Variants in PKNOX2 observed in about 807,000 individuals in gnomAD.
PKNOX2 encodes the protein PBX/knotted 1 homeobox 2.
PKNOX2 carries 14 observed loss-of-function variants against 53.1 expected under a neutral mutation model. The observed-to-expected ratio is 0.26, with a 90% CI of 0.17 to 0.41. The LOEUF (loss-of-function observed/expected upper bound fraction) is 0.41, where lower values mean the gene tolerates loss of function less well. Ranked by LOEUF, PKNOX2 falls within the 10% of genes least tolerant of loss-of-function variation. The pLI is 1.00. For synonymous variants in PKNOX2, 257 were observed against 242.8 expected, an observed-to-expected ratio of 1.06 and a Z score of -0.54; for missense variants, 496 against 602.8, an observed-to-expected ratio of 0.82 and a Z score of 1.85.
rs545428463 is a variant in PKNOX2, at chr11:125,410,799, G to T, written c.739G>T (p.Val247Phe). ...CTCAGGTGGAGCCTTATACCAACCG[G>T]TTACCATGGTAACCTCCCAGGGTCA... ...VVSGGALYQPVTMVTSQGQVV... is the reference protein window; with the variant it reads ...VVSGGALYQPFTMVTSQGQVV... Residue 247 changes from valine (V) to phenylalanine (F), a missense_variant, in exon 9 of 13, where the codon GTT becomes TTT. By Grantham distance (50) the Val-to-Phe change is conservative. This residue lies in a region of PKNOX2 where 141 missense variants were observed against 143.9 expected (regional missense o/e 0.98). Transcript: ENST00000298282. 6.2e-7 allele frequency: 1 copy of T among 1,614,000 alleles called. No homozygotes were observed. Among genetic ancestry groups the T allele is most frequent in the East Asian group, 2.2e-5 (1 of 44,854 alleles).
chr11:125,341,988 G>A (rs1353299716), intron 3 of PKNOX2, among the ~76,000 whole-genome samples: 3 of 152,202 alleles, frequency 2.0e-5, no homozygotes, highest in Non-Finnish European at 4.4e-5. Flanking sequence ...TCCTCTAGCC[G>A]ATCCCATTGC....
chr11:125,374,710 G>T (rs562768582), intron 5 of PKNOX2, among the ~76,000 whole-genome samples: 3 of 152,112 alleles, frequency 2.0e-5, no homozygotes, highest in Non-Finnish European at 2.9e-5. Flanking sequence ...CAGGGTCCCC[G>T]CCAAGACCAA....
chr11:125,280,765 C>T (rs1946505398), intron 2 of PKNOX2, among the ~76,000 whole-genome samples: 1 of 152,110 alleles, frequency 6.6e-6, no homozygotes, highest in Non-Finnish European at 1.5e-5. Context: ...ATTCACAGGG[C>T]CCTACACAGT....
chr11:125,258,863 T>C (rs539913260), intron 2 of PKNOX2: 1 of 393,388 alleles, frequency 2.5e-6, no homozygotes, highest in Non-Finnish European at 5.2e-6. Flanking sequence ...GCAGAGAACA[T>C]GTCTCTTGCC....
chr11:125,324,100 T>A (rs1949689759), intron 2 of PKNOX2, among the ~76,000 whole-genome samples: 1 of 151,988 alleles, frequency 6.6e-6, no homozygotes, highest in African/African-American at 2.4e-5. Context: ...ACTCACCAAA[T>A]GATGAGAAGA....
At chr11:125,208,382 C>T (rs187999559) in intron 1 of PKNOX2, among the ~76,000 whole-genome samples, 99 of 152,138 alleles carry the variant, frequency 6.5e-4, no homozygotes, top group Non-Finnish European at 8.1e-4. Flanking sequence ...AGGGAATTTG[C>T]ACTTTTCTAT....
At chr11:125,174,368 G>A (rs951399818) in intron 1 of PKNOX2, among the ~76,000 whole-genome samples, 1 of 152,176 alleles carries the variant, frequency 6.6e-6, no homozygotes, top group Non-Finnish European at 1.5e-5. Context: ...TTGATGAGGA[G>A]ACCAAACAAA....
At chr11:125,362,356 C>A (rs1951969874) in intron 4 of PKNOX2, among the ~76,000 whole-genome samples, 1 of 152,010 alleles carries the variant, frequency 6.6e-6, no homozygotes, top group African/African-American at 2.4e-5. Context: ...CATGAAGGCC[C>A]ACATGGTTTT....
At chr11:125,315,323 A>AC (rs909651644) in intron 2 of PKNOX2, among the ~76,000 whole-genome samples, 1 of 150,004 alleles carries the variant, frequency 6.7e-6, no homozygotes, top group African/African-American at 2.5e-5. Context: ...AAAAAAAAAA[A>AC]AAAAACACCT....
chr11:125,333,702 G>A (rs1950272052), intron 3 of PKNOX2, among the ~76,000 whole-genome samples: 1 of 152,154 alleles, frequency 6.6e-6, no homozygotes, highest in Admixed American at 6.5e-5. Flanking sequence ...GCTAATGCTG[G>A]AAGTGTGGCA....
chr11:125,265,070 C>T (rs887888602), intron 2 of PKNOX2, among the ~76,000 whole-genome samples: 7 of 152,124 alleles, frequency 4.6e-5, no homozygotes, highest in Non-Finnish European at 8.8e-5. Flanking sequence ...GGGCAGATCA[C>T]GAGGTCAGAA....
Position 125,247,966 on chromosome 11 carries a change from A to G in PKNOX2, c.-130+12851A>G, listed in dbSNP as rs141245728. ...TAAGAAGATCCTTCAGGGGAAAGCA[A>G]TTTCTTCCTCCCAGAGCCCCTGGCC... On this transcript the variant is annotated intron_variant, in intron 2 of 12. Transcript: ENST00000298282. 3.9e-5 allele frequency among the ~76,000 whole-genome samples: 6 copies of G among 151,960 alleles called. No individual in the cohort carries two copies. The East Asian group carries it at 1.2e-3, about 29-fold the overall frequency.
At chr11:125,289,125 G>A (rs1241343432) in intron 2 of PKNOX2, among the ~76,000 whole-genome samples, 1 of 152,110 alleles carries the variant, frequency 6.6e-6, no homozygotes, top group Admixed American at 6.5e-5. Flanking sequence ...AGGATGGGCA[G>A]TGGCAGGAAA....
rs1380290719 is a variant in PKNOX2 at position 125,228,883 on chromosome 11, T to G, written c.-200-6162T>G. ...AACAAAATATGTGCTGTTAGGGCTT[T>G]GATAGGAGGAATGGGATGGAAATAA... On this transcript the variant is annotated intron_variant, in intron 1 of 12. Coordinates refer to ENST00000298282, the MANE Select transcript of PKNOX2 (RefSeq NM_001382323.2). Among the ~76,000 whole-genome samples the G allele has an allele frequency of 2.0e-5, 3 of 151,986 alleles. No homozygotes were observed. In the East Asian group the frequency reaches 5.8e-4, roughly 29 times the overall value.
intron 10 of PKNOX2, among the ~76,000 whole-genome samples, chr11:125,417,384 C>A (rs1009599944): frequency 2.6e-5 from 4 of 152,060 alleles, no homozygotes; most frequent in African/African-American, 9.7e-5. Context: ...CTGCCATCCA[C>A]CAGAGGAGCC....
intron 2 of PKNOX2, among the ~76,000 whole-genome samples, chr11:125,327,990 T>C (rs1207579603): frequency 6.6e-6 from 1 of 152,174 alleles, no homozygotes; most frequent in Non-Finnish European, 1.5e-5. Flanking sequence ...CCTCTCTGAG[T>C]TGTAGCTCCT....
chr11:125,309,130 C>CCTTT (rs143615043), intron 2 of PKNOX2, among the ~76,000 whole-genome samples: 4,275 of 148,516 alleles, frequency 0.029, 87 homozygotes, highest in Admixed American at 0.069. Flanking sequence ...ATTACCTCTT[C>CCTTT]CTTTCTTTCT....
chr11:125,309,426 C>A (rs934516365), intron 2 of PKNOX2, among the ~76,000 whole-genome samples: 1 of 148,054 alleles, frequency 6.8e-6, no homozygotes, highest in African/African-American at 2.5e-5. Context: ...TCACTCTTGT[C>A]CCCCAGGCTT....
intron 2 of PKNOX2, among the ~76,000 whole-genome samples, chr11:125,253,899 C>T (rs985261109): frequency 9.2e-5 from 14 of 152,016 alleles, no homozygotes; most frequent in African/African-American, 2.2e-4. Flanking sequence ...AATAAGGGGG[C>T]GGTTGTCAGG....
Sources: allele counts gnomAD v4.1 joint callset (sites outside exome capture counted in the v4.1 genomes callset), GRCh38; gene constraint gnomAD v4.1.1; regional missense constraint gnomAD v4.1.1; transcripts MANE v1.5; gene names NCBI Gene and HGNC (gene_info 2026-07-23, HGNC 2026-07-21).